The following ZSWIM6 variants were observed in gnomAD, a reference collection of about 807,000 sequenced individuals.
The protein encoded by ZSWIM6 is zinc finger SWIM domain-containing protein 6.
In ZSWIM6, 9 loss-of-function variants were observed where a neutral mutation model predicts 113.2. That is an observed-to-expected ratio of 0.08 (90% CI 0.05 to 0.14). ZSWIM6 has a LOEUF of 0.14. Among genes scored for constraint, ZSWIM6 ranks in the 10% least tolerant of loss-of-function variants. The probability of loss-of-function intolerance (pLI) is 1.00; values close to 1 mark genes in which losing one functional copy is unlikely to be tolerated. For missense variants in ZSWIM6, 1,162 were observed against 1,552.2 expected, an observed-to-expected ratio of 0.75 and a Z score of 4.22; for synonymous variants, 611 against 606.5, an observed-to-expected ratio of 1.01 and a Z score of -0.11.
At position 61,450,560 on chromosome 5, in the gene ZSWIM6, A is replaced by G. The variant is rs113453246; in HGVS notation, c.677-22121A>G. On this transcript the variant is annotated intron_variant, in intron 1 of 13. Coordinates refer to ENST00000252744, the MANE Select transcript of ZSWIM6 (RefSeq NM_020928.2). ...CATTTTTCCTAGAGTGGGTTAATAAAGCCTTCTGATAGGGTAGCCACTGGT... is the reference window on the plus strand; with the variant it reads ...CATTTTTCCTAGAGTGGGTTAATAAGGCCTTCTGATAGGGTAGCCACTGGT... Among the ~76,000 whole-genome samples, 40 of 152,342 alleles carry G rather than the reference A, an allele frequency of 2.6e-4. 2 individuals carry two copies. Among genetic ancestry groups the G allele is most frequent in the African/African-American group, 9.6e-4 (40 of 41,586 alleles).
chr5:61,522,418 A>G (rs543591241), intron 5 of ZSWIM6, among the ~76,000 whole-genome samples: 1 of 152,180 alleles, frequency 6.6e-6, no homozygotes, highest in African/African-American at 2.4e-5. Flanking sequence ...TACATTCTCT[A>G]TGTACTAGCC....
At chr5:61,356,393 A>T (rs1385753434) in intron 1 of ZSWIM6, among the ~76,000 whole-genome samples, 1 of 152,128 alleles carries the variant, frequency 6.6e-6, no homozygotes, top group Non-Finnish European at 1.5e-5. Context: ...AGTTATTTAC[A>T]ATGAGTTAGA....
chr5:61,457,352 A>T (rs1747223635), intron 1 of ZSWIM6, among the ~76,000 whole-genome samples: 2 of 152,160 alleles, frequency 1.3e-5, no homozygotes, highest in Admixed American at 6.5e-5. Context: ...GGAGCCTGAA[A>T]ACTAGCCATA....
intron 1 of ZSWIM6, among the ~76,000 whole-genome samples, chr5:61,387,663 T>C (rs1425473120): frequency 6.8e-6 from 1 of 148,128 alleles, no homozygotes; most frequent in Non-Finnish European, 1.5e-5. Flanking sequence ...TTCCAGCACT[T>C]TGGGAGGCCG....
At chr5:61,468,605 G>A (rs1413949537) in intron 1 of ZSWIM6, among the ~76,000 whole-genome samples, 1 of 152,074 alleles carries the variant, frequency 6.6e-6, no homozygotes, top group African/African-American at 2.4e-5. Context: ...TCAAAACTCC[G>A]GAAAGGCAAA....
At chr5:61,340,536 T>C (rs545090972) in intron 1 of ZSWIM6, among the ~76,000 whole-genome samples, 1 of 152,366 alleles carries the variant, frequency 6.6e-6, no homozygotes, top group Non-Finnish European at 1.5e-5. Flanking sequence ...TCTTGCATTA[T>C]AGTTGTTATC....
intron 4 of ZSWIM6, among the ~76,000 whole-genome samples, chr5:61,507,428 C>A (rs1748654852): frequency 6.6e-6 from 1 of 152,084 alleles, no homozygotes; most frequent in South Asian, 2.1e-4. Flanking sequence ...CAGAAACACA[C>A]CCCAGCAGGC....
chr5:61,527,777 A>G (rs192516660), intron 7 of ZSWIM6, among the ~76,000 whole-genome samples: 1 of 152,054 alleles, frequency 6.6e-6, no homozygotes. Context: ...TCTGATTTTT[A>G]AAAAAAATCA....
At chr5:61,535,439 G>A (rs1749548431) in intron 9 of ZSWIM6, 45 bp from the exon 10 acceptor site, 1 of 1,545,522 alleles carries the variant, frequency 6.5e-7, no homozygotes, top group Non-Finnish European at 8.8e-7. Flanking sequence ...AGAAGTGTTA[G>A]TTCATTTTTT....
chr5:61,361,820 C>A (rs1442992871), intron 1 of ZSWIM6, among the ~76,000 whole-genome samples: 1 of 152,176 alleles, frequency 6.6e-6, no homozygotes, highest in Non-Finnish European at 1.5e-5. Context: ...AACTATTATC[C>A]TTTCCTCACA....
chr5:61,349,862 CTAAGT>C (rs1008243324), intron 1 of ZSWIM6, among the ~76,000 whole-genome samples: 7 of 152,196 alleles, frequency 4.6e-5, no homozygotes, highest in African/African-American at 1.7e-4. Flanking sequence ...ATTGGTATAA[CTAAGT>C]TTAGTTTTTG....
chr5:61,461,312 G>A (rs1747319351), intron 1 of ZSWIM6, among the ~76,000 whole-genome samples: 1 of 152,166 alleles, frequency 6.6e-6, no homozygotes, highest in Admixed American at 6.5e-5. Context: ...CTCTATTACT[G>A]CTGCCTCCCT....
At chr5:61,422,409 C>G (rs1746372358) in intron 1 of ZSWIM6, among the ~76,000 whole-genome samples, 1 of 152,168 alleles carries the variant, frequency 6.6e-6, no homozygotes, top group Admixed American at 6.5e-5. Context: ...GTTCTCTGTT[C>G]TATTCCACTT....
chr5:61,332,390 T>A lies in ZSWIM6; in HGVS notation c.118T>A (p.Ser40Thr), dbSNP rs1228304711. The A allele has an allele frequency of 1.0e-6, 1 of 985,308 alleles. No homozygotes were observed. The highest frequency in any genetic ancestry group is 1.2e-6 in the Non-Finnish European group (1 of 832,818). 61.0% of individuals were successfully genotyped at this position (985,308 alleles called of 1,614,324 possible). Residue 40 changes from serine (S) to threonine (T), a missense_variant, in exon 1 of 14, where the codon TCT becomes ACT. Transcript: ENST00000252744. The stretch of plus-strand genomic sequence containing the variant: ...CGGCGGCGCGGGTGGCGGCTACAGC[T>A]CTGCCTGTCGGCCAGGCCCGCGGGC... Reference protein sequence around the residue: ...GGGGAGGGYSSACRPGPRAGG... With the variant: ...GGGGAGGGYSTACRPGPRAGG...
intron 2 of ZSWIM6, among the ~76,000 whole-genome samples, chr5:61,489,460 A>C (rs879869762): frequency 9.2e-5 from 14 of 152,078 alleles, no homozygotes; most frequent in Non-Finnish European, 1.8e-4. Context: ...ATAGCTTATA[A>C]AATCAGTTTT....
At chr5:61,358,684 C>T (rs1744970629) in intron 1 of ZSWIM6, among the ~76,000 whole-genome samples, 1 of 152,152 alleles carries the variant, frequency 6.6e-6, no homozygotes, top group African/African-American at 2.4e-5. Flanking sequence ...TTTACCAGTA[C>T]AAGGAAATGC....
chr5:61,351,617 A>C (rs1744784852), intron 1 of ZSWIM6, among the ~76,000 whole-genome samples: 1 of 152,138 alleles, frequency 6.6e-6, no homozygotes, highest in Admixed American at 6.5e-5. Context: ...TGGTTTTTTC[A>C]ATTGTATTTT....
At chr5:61,398,396 C>A (rs868767088) in intron 1 of ZSWIM6, among the ~76,000 whole-genome samples, 9 of 152,148 alleles carry the variant, frequency 5.9e-5, no homozygotes, top group Admixed American at 2.6e-4. Flanking sequence ...TATCCCCCTA[C>A]CCCTAGTTCA....
chr5:61,359,029 T>C (rs1024113817), intron 1 of ZSWIM6, among the ~76,000 whole-genome samples: 22 of 152,234 alleles, frequency 1.4e-4, no homozygotes, highest in African/African-American at 5.3e-4. Context: ...TGAACCTTAG[T>C]CTCATTAAGA....
Sources: gnomAD v4.1 joint callset for allele counts (sites outside exome capture counted in the v4.1 genomes callset) on GRCh38, gnomAD v4.1.1 for gene constraint, MANE v1.5 for transcripts, NCBI Gene and HGNC (gene_info 2026-07-23, HGNC 2026-07-21) for gene names.